The following DOHH variants were observed in gnomAD, a reference collection of about 807,000 sequenced individuals.
The protein encoded by DOHH is deoxyhypusine hydroxylase.
A neutral mutation model predicts 19.9 loss-of-function variants in DOHH; 16 were observed. The ratio of observed to expected loss-of-function variants is 0.80; its 90% CI spans 0.54 to 1.22. DOHH has a LOEUF of 1.22. Ranked by LOEUF, DOHH falls within the 50% of genes most tolerant of loss-of-function variation. The pLI is 0.00. For synonymous variants in DOHH, 233 were observed against 217.0 expected, an observed-to-expected ratio of 1.07 and a Z score of -0.65; for missense variants, 460 against 460.6, an observed-to-expected ratio of 1.00 and a Z score of 0.01.
At position 3,496,500 on chromosome 19, in the gene DOHH, G is replaced by C. The variant is rs773345020; in HGVS notation, c.274+41C>G. 6.3e-7 allele frequency: 1 copy of C among 1,586,406 alleles called. No individual in the cohort carries two copies. The highest frequency in any genetic ancestry group is 1.7e-5 in the Admixed American group (1 of 59,296). On this transcript the variant is annotated intron_variant, in intron 2 of 4. Transcript: ENST00000427575. This position sits in a 1 kb window ranked among gnomAD's most constrained non-coding sequence, Gnocchi z 4.8. ...ACACGTGGGGTCATGAAGAAGTGAG[G>C]CAGGAGGGAGCAGGTGCCCGGGACA...
chr19:3,499,840 C>T (rs1451592644), intron 1 of DOHH, among the ~76,000 whole-genome samples: 3 of 152,166 alleles, frequency 2.0e-5, no homozygotes, highest in African/African-American at 7.2e-5. Flanking sequence ...GCATTTGCTA[C>T]GCGCCAGGCA....
chr19:3,492,056 G>A (rs1755737064), intron 4 of DOHH, among the ~76,000 whole-genome samples: 1 of 152,148 alleles, frequency 6.6e-6, no homozygotes, highest in Non-Finnish European at 1.5e-5. Flanking sequence ...GGAACTGACC[G>A]CAGCTATGGG....
In DOHH at chr19:3,492,319, C is replaced by G. The variant is rs1402234182; in HGVS notation, c.532G>C (p.Ala178Pro). The change falls in exon 4 of 5, where the codon GCC becomes CCC. Residue 178 changes from alanine to proline, a missense_variant. By Grantham distance (27) the Ala-to-Pro change is conservative. Transcript: ENST00000427575. Reference protein sequence around the residue: ...ESRPLFERYRAMFALRNAGGE... With the variant: ...ESRPLFERYRPMFALRNAGGE... ...CCCGCGTTGCGCAGGGCGAACATGG[C>G]GCGGTATCGCTCGAAGAGCGGCCGG... 1 of 1,543,864 alleles carries G rather than the reference C, an allele frequency of 6.5e-7. No homozygotes were observed. The highest frequency in any genetic ancestry group is 8.7e-7 in the Non-Finnish European group (1 of 1,152,822).
rs1599760983 is a variant in DOHH, at chr19:3,496,440, C to T, written c.274+101G>A. 2.0e-6 allele frequency: 3 copies of T among 1,505,984 alleles called. No individual in the cohort carries two copies. Among genetic ancestry groups the T allele is most frequent in the East Asian group, 2.3e-5 (1 of 43,920 alleles). The allele number at this position is 1,505,984 out of a possible 1,614,324, so 93.3% of individuals were successfully genotyped here. ...ATCTGGTGCTCTATGGGGCAGTTGA[C>T]CACTCTGATATTTATCACCTGAGTG... On this transcript the variant is annotated intron_variant, in intron 2 of 4. Transcript: ENST00000427575. This position sits in a 1 kb window ranked among gnomAD's most constrained non-coding sequence, Gnocchi z 4.8.
chr19:3,492,306 A>C lies in DOHH; in HGVS notation c.545T>G (p.Leu182Arg). 6.5e-7 allele frequency: 1 copy of C among 1,529,194 alleles called. No homozygotes were observed. The highest frequency in any genetic ancestry group is 2.5e-5 in the East Asian group (1 of 39,970). The allele number at this position is 1,529,194 out of a possible 1,614,324, so 94.7% of individuals were successfully genotyped here. A position where few individuals can be genotyped will look rare whatever the true frequency, so the allele number is the denominator to read the frequency against. ...GGCCTCCTCGCCTCCCGCGTTGCGC[A>C]GGGCGAACATGGCGCGGTATCGCTC... ...LFERYRAMFA[L>R]RNAGGEEAAL... The change falls in exon 4 of 5, where the codon CTG (leucine) becomes CGG (arginine). Residue 182 changes from leucine to arginine, a missense_variant. By Grantham distance (102) the Leu-to-Arg change is moderately radical (BLOSUM62 -2). Coordinates refer to ENST00000427575, the MANE Select transcript of DOHH (RefSeq NM_001145165.2).
Position 3,491,898 on chromosome 19 carries a change from G to C in DOHH, c.590-87C>G, listed in dbSNP as rs1468204079. 1.5e-6 allele frequency: 2 copies of C among 1,297,300 alleles called. No homozygotes were observed. Among genetic ancestry groups the C allele is most frequent in the African/African-American group, 3.2e-5 (2 of 63,398 alleles). The allele number at this position is 1,297,300 out of a possible 1,614,324, so 80.4% of individuals were successfully genotyped here. ...CGAAGACATGGGGTCTTGCTATCTTGCCCAGGCAGGTCACAAAGTCCTGGC... is the reference window on the plus strand; with the variant it reads ...CGAAGACATGGGGTCTTGCTATCTTCCCCAGGCAGGTCACAAAGTCCTGGC... On this transcript the variant is annotated intron_variant, in intron 4 of 4. Transcript: ENST00000427575. The surrounding 1 kb of genome is among the most constrained non-coding windows in gnomAD (Gnocchi z 5.6).
Position 3,491,710 on chromosome 19 carries a change from G to A in DOHH, c.691C>T (p.Arg231Ter). Reference protein sequence around the residue: ...AVPQLAAALARCTENPMVRHE... With the variant: ...AVPQLAAALA ...CGCACCATGGGGTTCTCGGTGCATCGGGCCAGGGCGGCCGCCAGCTGGGGC... is the reference window on the plus strand; with the variant it reads ...CGCACCATGGGGTTCTCGGTGCATCAGGCCAGGGCGGCCGCCAGCTGGGGC... The change falls in exon 5 of 5, where the codon CGA becomes TGA. Residue 231 changes from arginine to a stop codon, truncating the protein, a stop_gained. Coordinates refer to ENST00000427575, the MANE Select transcript of DOHH (RefSeq NM_001145165.2). LOFTEE classifies it low-confidence loss of function (END_TRUNC). The surrounding 1 kb of genome is among the most constrained non-coding windows in gnomAD (Gnocchi z 5.6). 1.3e-6 allele frequency: 2 copies of A among 1,511,892 alleles called. No individual in the cohort carries two copies. The highest frequency in any genetic ancestry group is 1.8e-6 in the Non-Finnish European group (2 of 1,134,040). The allele number at this position is 1,511,892 out of a possible 1,614,324, so 93.7% of individuals were successfully genotyped here.
intron 1 of DOHH, among the ~76,000 whole-genome samples, chr19:3,498,298 A>G (rs542801770): frequency 1.9e-4 from 29 of 152,232 alleles, no homozygotes; most frequent in Admixed American, 3.9e-4. Flanking sequence ...GTTAAACATT[A>G]AAAGCTAAAA....
Position 3,491,414 on chromosome 19 carries a change from C to T in DOHH, c.*78G>A. The T allele has an allele frequency of 7.1e-7, 1 of 1,413,978 alleles. No individual in the cohort carries two copies. Among genetic ancestry groups the T allele is most frequent in the Non-Finnish European group, 9.4e-7 (1 of 1,058,612 alleles). 87.6% of individuals were successfully genotyped at this position (1,413,978 alleles called of 1,614,324 possible). On this transcript the variant is annotated 3_prime_UTR_variant, in exon 5 of 5. Coordinates refer to ENST00000427575, the MANE Select transcript of DOHH (RefSeq NM_001145165.2). This position sits in a 1 kb window ranked among gnomAD's most constrained non-coding sequence, Gnocchi z 5.6. ...AGCGATGACACCGATTTACACACAC[C>T]CGGTTTAGACGCCAAAGCTCTGCGG...
intron 2 of DOHH, among the ~76,000 whole-genome samples, chr19:3,495,419 C>A (rs59800597): frequency 6.6e-6 from 1 of 152,108 alleles, no homozygotes; most frequent in East Asian, 1.9e-4. Flanking sequence ...TGGGACCACA[C>A]GCGTGAGCCA....
At chr19:3,498,635 C>T (rs2082927584) in intron 1 of DOHH, among the ~76,000 whole-genome samples, 1 of 152,020 alleles carries the variant, frequency 6.6e-6, no homozygotes, top group African/African-American at 2.4e-5. Context: ...GAACTCCCAA[C>T]CTCAGGTGAT....
In DOHH at chr19:3,496,504, G is replaced by C; in HGVS notation, c.274+37C>G. On this transcript the variant is annotated intron_variant, in intron 2 of 4. Coordinates refer to ENST00000427575, the MANE Select transcript of DOHH (RefSeq NM_001145165.2). The surrounding 1 kb of genome is among the most constrained non-coding windows in gnomAD (Gnocchi z 4.8). ...GTGGGGTCATGAAGAAGTGAGGCAG[G>C]AGGGAGCAGGTGCCCGGGACACAGA... is the stretch of plus-strand genomic sequence containing the variant. The C allele has an allele frequency of 6.3e-7, 1 of 1,589,954 alleles. No individual in the cohort carries two copies. The highest frequency in any genetic ancestry group is 1.1e-5 in the South Asian group (1 of 89,862).
Position 3,493,216 on chromosome 19 carries a change from C to T in DOHH, c.352-717G>A, listed in dbSNP as rs578014640. On this transcript the variant is annotated intron_variant, in intron 3 of 4. Transcript: ENST00000427575. ...CCCCTAATCCCAGCAGTTAGGGAGA[C>T]CAAGGCAGGAGGATCGCTTGAGCCC... 7.9e-5 allele frequency among the ~76,000 whole-genome samples: 12 copies of T among 152,362 alleles called. No individual in the cohort carries two copies. The South Asian group carries it at 2.5e-3, about 32-fold the overall frequency.
rs1443213533 is a variant in DOHH, at chr19:3,496,712, C to T, written c.103G>A (p.Gly35Ser). ...ATCCATGCAATGGCGCCTGGGCCGC[C>T]GAGCCCACGCAGCGTGAACAGCGCC... ...FRALFTLRGL[G>S]GPGAIAWISQ... Residue 35 changes from glycine to serine, a missense_variant, in exon 2 of 5, where the codon GGC becomes AGC. By Grantham distance (56) the Gly-to-Ser change is moderately conservative. Coordinates refer to ENST00000427575, the MANE Select transcript of DOHH (RefSeq NM_001145165.2). This position sits in a 1 kb window ranked among gnomAD's most constrained non-coding sequence, Gnocchi z 4.8. The T allele has an allele frequency of 5.6e-6, 9 of 1,613,370 alleles. No homozygotes were observed. The highest frequency in any genetic ancestry group is 3.3e-4 in the Middle Eastern group (2 of 6,056).
chr19:3,498,257 A>G (rs1370660534), intron 1 of DOHH, among the ~76,000 whole-genome samples: 1 of 152,212 alleles, frequency 6.6e-6, no homozygotes, highest in African/African-American at 2.4e-5. Flanking sequence ...ACAGGCCTCC[A>G]TAACTGTTTC....
intron 3 of DOHH, among the ~76,000 whole-genome samples, chr19:3,492,831 T>G (rs1053612694): frequency 6.6e-6 from 1 of 152,156 alleles, no homozygotes; most frequent in Non-Finnish European, 1.5e-5. Flanking sequence ...CAAAGGAACA[T>G]GTGCGGCCCC....
rs2082906685 is a variant in DOHH at position 3,496,274 on chromosome 19, A to G, written c.274+267T>C. Among the ~76,000 whole-genome samples, 1 of 152,156 alleles carries G rather than the reference A, an allele frequency of 6.6e-6. No individual in the cohort carries two copies. The highest frequency in any genetic ancestry group is 2.4e-5 in the African/African-American group (1 of 41,452). On this transcript the variant is annotated intron_variant, in intron 2 of 4. Coordinates refer to ENST00000427575, the MANE Select transcript of DOHH (RefSeq NM_001145165.2). This position sits in a 1 kb window ranked among gnomAD's most constrained non-coding sequence, Gnocchi z 4.8. ...CGATCCACCTTCCTGGGCCTCCCAAAGTGCTAAGATTACAGGCCTGAGCCA... is the reference window on the plus strand; with the variant it reads ...CGATCCACCTTCCTGGGCCTCCCAAGGTGCTAAGATTACAGGCCTGAGCCA...
At position 3,492,304 on chromosome 19, in the gene DOHH, G is replaced by A. The variant is rs1426725402; in HGVS notation, c.547C>T (p.Arg183Cys). 5 of 1,527,724 alleles carry A rather than the reference G, an allele frequency of 3.3e-6. No homozygotes were observed. Among genetic ancestry groups the A allele is most frequent in the Admixed American group, 2.1e-5 (1 of 48,602 alleles). The allele number at this position is 1,527,724 out of a possible 1,614,324, so 94.6% of individuals were successfully genotyped here. A position where few individuals can be genotyped will look rare whatever the true frequency, so the allele number is the denominator to read the frequency against. The part of the protein sequence containing the change: ...FERYRAMFAL[R>C]NAGGEEAALA... ...GCGGCCTCCTCGCCTCCCGCGTTGC[G>A]CAGGGCGAACATGGCGCGGTATCGC... Residue 183 changes from arginine to cysteine, a missense_variant, in exon 4 of 5, where the codon CGC becomes TGC. Coordinates refer to ENST00000427575, the MANE Select transcript of DOHH (RefSeq NM_001145165.2).
chr19:3,498,069 C>T (rs2082923049), intron 1 of DOHH, among the ~76,000 whole-genome samples: 1 of 152,196 alleles, frequency 6.6e-6, no homozygotes. Flanking sequence ...AAAGGCCCTT[C>T]ATGACCATCT....
Sources: allele counts gnomAD v4.1 joint callset (sites outside exome capture counted in the v4.1 genomes callset), GRCh38; gene constraint gnomAD v4.1.1; non-coding constraint Gnocchi (gnomAD v3.1); transcripts MANE v1.5; gene names NCBI Gene and HGNC (gene_info 2026-07-23, HGNC 2026-07-21).